The following PLEKHM3 variants were observed in gnomAD, a reference collection of about 807,000 sequenced individuals.
PLEKHM3 encodes pleckstrin homology domain containing M3.
Under a neutral mutation model 81.8 loss-of-function variants are expected in PLEKHM3, and 45 were observed. The ratio of observed to expected loss-of-function variants is 0.55; its 90% CI spans 0.43 to 0.71. PLEKHM3 has a LOEUF of 0.71. Among genes scored for constraint, PLEKHM3 ranks in the 30% least tolerant of loss-of-function variants. PLEKHM3 has a pLI of 0.00. For synonymous variants in PLEKHM3, 352 were observed against 356.4 expected (o/e 0.99, Z 0.14); for missense variants, 788 against 924.3 (o/e 0.85, Z 1.91).
At chr2:207,854,623 G>C (rs1316877870) in intron 7 of PLEKHM3, among the ~76,000 whole-genome samples, 2 of 151,994 alleles carry the variant, frequency 1.3e-5, no homozygotes, top group Non-Finnish European at 2.9e-5. Context: ...ACCACTCTTG[G>C]TGTTTAACTG....
chr2:207,846,589 G>A (rs2092384406), intron 7 of PLEKHM3, among the ~76,000 whole-genome samples: 1 of 151,962 alleles, frequency 6.6e-6, no homozygotes. Flanking sequence ...TGGGCGTGGT[G>A]GAGAGCACCT....
At chr2:208,023,705 C>T (rs1018027106) in intron 1 of PLEKHM3, among the ~76,000 whole-genome samples, 12 of 152,032 alleles carry the variant, frequency 7.9e-5, no homozygotes, top group African/African-American at 2.7e-4. Context: ...CCCTACTCCC[C>T]GACCCCACAC....
intron 5 of PLEKHM3, among the ~76,000 whole-genome samples, chr2:207,910,576 A>T (rs1484451038): frequency 6.6e-6 from 1 of 152,158 alleles, no homozygotes; most frequent in East Asian, 1.9e-4. Flanking sequence ...TTCTGACTCC[A>T]AAGGCCTATG....
intron 6 of PLEKHM3, among the ~76,000 whole-genome samples, chr2:207,869,476 A>ACTT (rs1396408594): frequency 6.6e-6 from 1 of 152,132 alleles, no homozygotes; most frequent in Non-Finnish European, 1.5e-5. Flanking sequence ...TTTCCATTAA[A>ACTT]CTTAATGTCT....
At chr2:207,829,789 G>T (rs577460984) in intron 7 of PLEKHM3, among the ~76,000 whole-genome samples, 1 of 152,156 alleles carries the variant, frequency 6.6e-6, no homozygotes, top group Non-Finnish European at 1.5e-5. Flanking sequence ...AGAGGGTTGC[G>T]AAGGAACCAG....
intron 6 of PLEKHM3, among the ~76,000 whole-genome samples, chr2:207,866,890 C>A (rs1373374427): frequency 1.3e-5 from 2 of 152,138 alleles, no homozygotes; most frequent in Non-Finnish European, 2.9e-5. Flanking sequence ...GAACTTGATG[C>A]TGTTTTGTAC....
intron 6 of PLEKHM3, among the ~76,000 whole-genome samples, chr2:207,902,873 G>A (rs141238539): frequency 1.8e-5 from 1 of 55,878 alleles, no homozygotes; most frequent in Non-Finnish European, 3.5e-5. Context: ...TCCATCCACT[G>A]AACATTTCTA....
At chr2:207,885,074 C>T (rs1159442121) in intron 6 of PLEKHM3, among the ~76,000 whole-genome samples, 1 of 152,232 alleles carries the variant, frequency 6.6e-6, no homozygotes, top group African/African-American at 2.4e-5. Flanking sequence ...GCCACTCAGA[C>T]ACTGCAGAGT....
At position 207,907,240 on chromosome 2, in the gene PLEKHM3, G is replaced by A. The variant is rs141359771; in HGVS notation, c.1950+1274C>T. ...AGTGTGGCCAGGCGTGGTAGCTCAC[G>A]TCTGTAATACCAGCACTTTAGGAGG... On this transcript the variant is annotated intron_variant, in intron 6 of 7. Transcript: ENST00000427836. 1.8e-3 allele frequency among the ~76,000 whole-genome samples: 267 copies of A among 152,250 alleles called. 4 individuals are homozygous for A. The highest frequency in any genetic ancestry group is 0.017 in the Middle Eastern group (5 of 294).
intron 1 of PLEKHM3, among the ~76,000 whole-genome samples, chr2:208,016,479 C>A (rs183219429): frequency 6.6e-6 from 1 of 151,524 alleles, no homozygotes; most frequent in Non-Finnish European, 1.5e-5. Context: ...GAAACCCTGT[C>A]TCTACCCAAA....
Position 207,861,186 on chromosome 2 carries a change from A to G in PLEKHM3, c.2027T>C (p.Leu676Pro). The G allele has an allele frequency of 6.2e-7, 1 of 1,614,164 alleles. No individual in the cohort carries two copies. Among genetic ancestry groups the G allele is most frequent in the Non-Finnish European group, 8.5e-7 (1 of 1,179,994 alleles). ...ACAGATGAACCCCTTCTGGCTACAA[A>G]GACTGCAGCTGTACACGTGTGAGGT... is the stretch of plus-strand genomic sequence containing the variant. Reference protein sequence around the residue: ...FATSHVYSCSLCSQKGFICEI... With the variant: ...FATSHVYSCSPCSQKGFICEI... Residue 676 changes from leucine to proline, a missense_variant, in exon 7 of 8, where the codon CTT (leucine) becomes CCT (proline). Coordinates refer to ENST00000427836, the MANE Select transcript of PLEKHM3 (RefSeq NM_001080475.3).
chr2:207,864,592 A>C (rs1476215692), intron 6 of PLEKHM3, among the ~76,000 whole-genome samples: 1 of 152,208 alleles, frequency 6.6e-6, no homozygotes, highest in Non-Finnish European at 1.5e-5. Context: ...GGAAGAGAAG[A>C]CCTTGAGGAA....
In PLEKHM3 at chr2:208,001,833, G is replaced by A. The variant is rs1692317278; in HGVS notation, c.-194C>T. 5 of 789,134 alleles carry A rather than the reference G, an allele frequency of 6.3e-6. No individual in the cohort carries two copies. The Middle Eastern group carries it at 1.1e-3, about 181-fold the overall frequency. 48.9% of individuals were successfully genotyped at this position (789,134 alleles called of 1,614,324 possible). A position where few individuals can be genotyped will look rare whatever the true frequency, so the allele number is the denominator to read the frequency against. On this transcript the variant is annotated 5_prime_UTR_variant, in exon 2 of 8. Coordinates refer to ENST00000427836, the MANE Select transcript of PLEKHM3 (RefSeq NM_001080475.3). ...CTGGTAATTAAAAGCATTTGCTAGT[G>A]GCTAATGGGCATTAACAGATGTATA...
Position 207,976,243 on chromosome 2 carries a change from G to A in PLEKHM3, c.1546+408C>T, listed in dbSNP as rs972663068. Among the ~76,000 whole-genome samples the A allele has an allele frequency of 2.0e-5, 3 of 152,196 alleles. No individual in the cohort carries two copies. The highest frequency in any genetic ancestry group is 4.4e-5 in the Non-Finnish European group (3 of 68,038). Reference sequence around the variant, plus strand: ...TGTGGCCATTTTCCTTGCCTAAGGAGTTTTAGTAGTCAGCTTTGGACTTGA... The same window carrying A: ...TGTGGCCATTTTCCTTGCCTAAGGAATTTTAGTAGTCAGCTTTGGACTTGA... On this transcript the variant is annotated intron_variant, in intron 3 of 7. Transcript: ENST00000427836. This position sits in a 1 kb window ranked among gnomAD's most constrained non-coding sequence, Gnocchi z 4.1.
At chr2:207,979,829 G>T (rs1691461886) in intron 2 of PLEKHM3, among the ~76,000 whole-genome samples, 1 of 152,146 alleles carries the variant, frequency 6.6e-6, no homozygotes, top group Admixed American at 6.5e-5. Flanking sequence ...AAATGAGGCT[G>T]AGAAAAGCCA....
At chr2:207,953,163 A>AT (rs5838096) in intron 3 of PLEKHM3, among the ~76,000 whole-genome samples, 80,682 of 152,054 alleles carry the variant, frequency 0.53, 22,425 homozygotes, top group Middle Eastern at 0.76. Context: ...GCTAATGCGG[A>AT]TAGTATGGCA....
At chr2:207,892,257 T>C (rs1688081583) in intron 6 of PLEKHM3, among the ~76,000 whole-genome samples, 1 of 152,234 alleles carries the variant, frequency 6.6e-6, no homozygotes, top group African/African-American at 2.4e-5. Flanking sequence ...AGTACTTTCC[T>C]GCGGTGCTCA....
chr2:207,879,628 T>A (rs1190919655), intron 6 of PLEKHM3, among the ~76,000 whole-genome samples: 1 of 152,194 alleles, frequency 6.6e-6, no homozygotes, highest in Non-Finnish European at 1.5e-5. Flanking sequence ...AATGGAGAAG[T>A]TGCTGCCACT....
intron 7 of PLEKHM3, among the ~76,000 whole-genome samples, chr2:207,845,638 G>A (rs1706703978): frequency 1.3e-5 from 2 of 151,736 alleles, no homozygotes; most frequent in Admixed American, 1.3e-4. Flanking sequence ...CACATATCTC[G>A]GTAATGCCTA....
Sources: allele counts gnomAD v4.1 joint callset (sites outside exome capture counted in the v4.1 genomes callset), GRCh38; gene constraint gnomAD v4.1.1; non-coding constraint Gnocchi (gnomAD v3.1); transcripts MANE v1.5; gene names NCBI Gene and HGNC (gene_info 2026-07-23, HGNC 2026-07-21).